Variants in MVB12B observed in about 807,000 individuals in gnomAD.
MVB12B encodes the protein ESCRT-I complex subunit MVB12B.
Under a neutral mutation model 41.6 loss-of-function variants are expected in MVB12B, and 16 were observed. That is an observed-to-expected ratio of 0.38 (90% CI 0.26 to 0.58). MVB12B has a LOEUF of 0.58. Among genes scored for constraint, MVB12B ranks in the 20% least tolerant of loss-of-function variants. The pLI is 0.62. For synonymous variants in MVB12B, 133 were observed against 139.7 expected (o/e 0.95, Z 0.34); for missense variants, 274 against 380.2 (o/e 0.72, Z 2.32).
At chr9:126,428,286 G>A (rs1326602810) in intron 7 of MVB12B, among the ~76,000 whole-genome samples, 2 of 152,038 alleles carry the variant, frequency 1.3e-5, no homozygotes, top group Non-Finnish European at 2.9e-5. Flanking sequence ...CATTTAAATT[G>A]GAAGATGGAC....
chr9:126,427,620 CT>C (rs2119106329), intron 7 of MVB12B, among the ~76,000 whole-genome samples: 1 of 152,160 alleles, frequency 6.6e-6, no homozygotes, highest in Admixed American at 6.5e-5. Flanking sequence ...TTATTTATCT[CT>C]TTTGAAAAAA....
chr9:126,464,425 C>G (rs1388174650), intron 7 of MVB12B, among the ~76,000 whole-genome samples: 3 of 151,830 alleles, frequency 2.0e-5, no homozygotes, highest in African/African-American at 7.3e-5. Flanking sequence ...AGCTAGGGAA[C>G]AAAGCTAGGT....
At chr9:126,456,567 G>T (rs938974528) in intron 7 of MVB12B, among the ~76,000 whole-genome samples, 3 of 152,144 alleles carry the variant, frequency 2.0e-5, no homozygotes, top group African/African-American at 7.2e-5. Flanking sequence ...TTCTCATCCT[G>T]CCCCTCCCTG....
At chr9:126,413,849 T>TGTGTGC (rs1554776184) in intron 6 of MVB12B, among the ~76,000 whole-genome samples, 7,898 of 148,530 alleles carry the variant, frequency 0.053, 280 homozygotes, top group Admixed American at 0.084. Flanking sequence ...TGTGTGTGTG[T>TGTGTGC]GTGTATAAGG....
At chr9:126,385,427 A>G (rs1564302128) in intron 3 of MVB12B, among the ~76,000 whole-genome samples, 1 of 152,178 alleles carries the variant, frequency 6.6e-6, no homozygotes, top group Non-Finnish European at 1.5e-5. Context: ...CAGAGACGTG[A>G]CACAGTGCAG....
At chr9:126,347,845 TCA>T (rs1167077526) in intron 2 of MVB12B, among the ~76,000 whole-genome samples, 2 of 152,212 alleles carry the variant, frequency 1.3e-5, no homozygotes, top group Non-Finnish European at 2.9e-5. Context: ...AGCACAGCTG[TCA>T]CATGGATTTT....
At position 126,421,910 on chromosome 9, in the gene MVB12B, A is replaced by G; in HGVS notation, c.719A>G (p.Asp240Gly). The change falls in exon 7 of 10, where the codon GAC (aspartate) becomes GGC (glycine). Residue 240 changes from aspartate to glycine, a missense_variant. Physicochemically the swap from Asp to Gly is moderately conservative, Grantham distance 94 (BLOSUM62 -1). Coordinates refer to ENST00000361171, the MANE Select transcript of MVB12B (RefSeq NM_033446.3). ...CGAGGCAGGAACAGCACCCGGACGG[A>G]CTACGAGTACCAGCACTCCAATTTG... ...TFRGRNSTRT[D>G]YEYQHSNLYA... 1 of 1,614,038 alleles carries G rather than the reference A, an allele frequency of 6.2e-7. No individual in the cohort carries two copies. Among genetic ancestry groups the G allele is most frequent in the Non-Finnish European group, 8.5e-7 (1 of 1,179,980 alleles).
At chr9:126,456,658 A>G (rs1832991025) in intron 7 of MVB12B, among the ~76,000 whole-genome samples, 1 of 152,144 alleles carries the variant, frequency 6.6e-6, no homozygotes. Context: ...GGAAAGGATC[A>G]GTTACTCTTT....
rs1309410963 is a variant in MVB12B, at chr9:126,480,169, GC to G, written c.758-1198del. On this transcript the variant is annotated intron_variant, in intron 7 of 9. Transcript: ENST00000361171. The surrounding 1 kb of genome is among the most constrained non-coding windows in gnomAD (Gnocchi z 4.9). The stretch of plus-strand genomic sequence containing the variant: ...CCCTGAAACCACAATTTACTGCATA[GC>G]CACCACCTCAGGGTGCGGCCACCCC... Among the ~76,000 whole-genome samples the G allele has an allele frequency of 6.6e-5, 10 of 152,170 alleles. No individual in the cohort carries two copies. The highest frequency in any genetic ancestry group is 2.4e-4 in the African/African-American group (10 of 41,422).
At chr9:126,412,879 G>A (rs779809754) in intron 6 of MVB12B, among the ~76,000 whole-genome samples, 1 of 152,196 alleles carries the variant, frequency 6.6e-6, no homozygotes, top group African/African-American at 2.4e-5. Context: ...TTACTTAACA[G>A]CCAGTCTTTG....
chr9:126,404,110 C>T lies in MVB12B; in HGVS notation c.662+8413C>T, dbSNP rs369808347. 1.7e-4 allele frequency among the ~76,000 whole-genome samples: 26 copies of T among 152,072 alleles called. No homozygotes were observed. In the South Asian group the frequency reaches 3.7e-3, roughly 22 times the overall value. On this transcript the variant is annotated intron_variant, in intron 6 of 9. Coordinates refer to ENST00000361171, the MANE Select transcript of MVB12B (RefSeq NM_033446.3). ...CTGGGACTACAAACATGTGCCACCACGCCTAGCTAATTTTTTGTATTTTTA... is the reference window on the plus strand; with the variant it reads ...CTGGGACTACAAACATGTGCCACCATGCCTAGCTAATTTTTTGTATTTTTA...
rs1830877000 is a variant in MVB12B, at chr9:126,389,136, C to T, written c.409+2478C>T. On this transcript the variant is annotated intron_variant, in intron 4 of 9. Transcript: ENST00000361171. This position sits in a 1 kb window ranked among gnomAD's most constrained non-coding sequence, Gnocchi z 4.4. ...GACTGGGAGTACACAGGTTGCTGTC[C>T]CAAGTGTGGACTCTGAGATCGGTCC... Among the ~76,000 whole-genome samples, 2 of 152,164 alleles carry T rather than the reference C, an allele frequency of 1.3e-5. No individual in the cohort carries two copies. Among genetic ancestry groups the T allele is most frequent in the African/African-American group, 4.8e-5 (2 of 41,424 alleles).
intron 2 of MVB12B, among the ~76,000 whole-genome samples, chr9:126,346,122 G>A (rs986826721): frequency 3.9e-5 from 6 of 152,170 alleles, no homozygotes; most frequent in African/African-American, 1.4e-4. Flanking sequence ...AGAAAAAAGA[G>A]GCTCTTAGAC....
At chr9:126,361,350 C>T (rs2118892399) in intron 2 of MVB12B, among the ~76,000 whole-genome samples, 1 of 152,296 alleles carries the variant, frequency 6.6e-6, no homozygotes, top group South Asian at 2.1e-4. Context: ...TATTGTTCCT[C>T]TTCTAGCCCT....
intron 7 of MVB12B, among the ~76,000 whole-genome samples, chr9:126,443,728 A>G (rs147578475): frequency 6.6e-6 from 1 of 152,354 alleles, no homozygotes; most frequent in Admixed American, 6.5e-5. Context: ...TTATTGAAAT[A>G]TATTTACATG....
chr9:126,455,208 G>A (rs982206069), intron 7 of MVB12B, among the ~76,000 whole-genome samples: 1 of 151,158 alleles, frequency 6.6e-6, no homozygotes, highest in Non-Finnish European at 1.5e-5. Context: ...TTTTATTTTA[G>A]ATGGAGTCTT....
At chr9:126,362,181 A>G (rs542713485) in intron 2 of MVB12B, among the ~76,000 whole-genome samples, 4 of 152,138 alleles carry the variant, frequency 2.6e-5, no homozygotes, top group Non-Finnish European at 4.4e-5. Flanking sequence ...ATTTCTGTTT[A>G]TTATTAAAGT....
At chr9:126,381,250 G>A in intron 3 of MVB12B, 79 bp downstream of exon 3, 1 of 1,026,108 alleles carries the variant, frequency 9.7e-7, no homozygotes, top group East Asian at 2.5e-5. Flanking sequence ...TCATTTTGTT[G>A]TTGTTGTGGT....
chr9:126,467,831 A>G (rs1833228798), intron 7 of MVB12B, among the ~76,000 whole-genome samples: 1 of 152,146 alleles, frequency 6.6e-6, no homozygotes, highest in African/African-American at 2.4e-5. Context: ...CCTGCCCAGC[A>G]CTGAATCAGC....
Sources: allele counts gnomAD v4.1 joint callset (sites outside exome capture counted in the v4.1 genomes callset), GRCh38; gene constraint gnomAD v4.1.1; non-coding constraint Gnocchi (gnomAD v3.1); transcripts MANE v1.5; gene names NCBI Gene and HGNC (gene_info 2026-07-23, HGNC 2026-07-21).